Variants in SRGAP3 observed in about 807,000 individuals in gnomAD.
The protein encoded by SRGAP3 is SLIT-ROBO Rho GTPase activating protein 3.
Under a neutral mutation model 121.1 loss-of-function variants are expected in SRGAP3, and 39 were observed. The ratio of observed to expected loss-of-function variants is 0.32; its 90% CI spans 0.25 to 0.42. SRGAP3 has a LOEUF of 0.42. SRGAP3 is among the 10% of genes least tolerant of loss of function. SRGAP3 has a pLI of 1.00. For missense variants in SRGAP3, 1,213 were observed against 1,470.6 expected, an observed-to-expected ratio of 0.82 and a Z score of 2.86; for synonymous variants, 601 against 570.0, an observed-to-expected ratio of 1.05 and a Z score of -0.77.
intron 21 of SRGAP3, among the ~76,000 whole-genome samples, chr3:8,989,801 C>T (rs778600639): frequency 2.0e-5 from 3 of 152,180 alleles, no homozygotes; most frequent in Non-Finnish European, 1.5e-5. Flanking sequence ...CAAAAGCCAA[C>T]CCTCTAAGCA....
chr3:9,274,852 C>A (rs1404673843), intron 3 of SRGAP3, among the ~76,000 whole-genome samples: 3 of 152,202 alleles, frequency 2.0e-5, no homozygotes, highest in Non-Finnish European at 2.9e-5. Flanking sequence ...CAAGCCACTT[C>A]TCTCCAATGT....
Position 9,060,369 on chromosome 3 carries a change from GA to G in SRGAP3, c.673-11del, listed in dbSNP as rs1409074372. On this transcript the variant is annotated splice_polypyrimidine_tract_variant and intron_variant, in intron 5 of 21. Coordinates refer to ENST00000383836, the MANE Select transcript of SRGAP3 (RefSeq NM_014850.4). ...AGTACTTGGCCTGCCTCTGGAAGAA[GA>G]AAAGAGTAGATGTAAGAGCAAGCCA... The G allele has an allele frequency of 1.9e-6, 3 of 1,593,612 alleles. No homozygotes were observed. Among genetic ancestry groups the G allele is most frequent in the Non-Finnish European group, 2.6e-6 (3 of 1,166,722 alleles).
intron 1 of SRGAP3, among the ~76,000 whole-genome samples, chr3:9,153,149 T>C (rs1950271284): frequency 6.6e-6 from 1 of 152,224 alleles, no homozygotes. Context: ...CCAGTATGAG[T>C]GAGTCTTGAT....
intron 3 of SRGAP3, among the ~76,000 whole-genome samples, chr3:9,272,009 G>C (rs1954486464): frequency 6.6e-6 from 1 of 152,172 alleles, no homozygotes; most frequent in Non-Finnish European, 1.5e-5. Context: ...CATATGACCT[G>C]CCAAAACAGA....
At position 9,149,672 on chromosome 3, in the gene SRGAP3, A is replaced by G. The variant is rs372097934; in HGVS notation, c.68-24755T>C. Among the ~76,000 whole-genome samples, 20 of 152,212 alleles carry G rather than the reference A, an allele frequency of 1.3e-4. 1 individual carries two copies. The highest frequency in any genetic ancestry group is 1.2e-3 in the Admixed American group (18 of 15,276). On this transcript the variant is annotated intron_variant, in intron 1 of 21. Coordinates refer to ENST00000383836, the MANE Select transcript of SRGAP3 (RefSeq NM_014850.4). ...GTGAGGGAAAAAGCAGTGGCGCTGC[A>G]CTGCCCTAGTCACCTTAGCCAAACA...
chr3:9,062,374 A>G (rs1228932241), intron 5 of SRGAP3, among the ~76,000 whole-genome samples: 4 of 142,632 alleles, frequency 2.8e-5, no homozygotes, highest in Admixed American at 6.9e-5. Context: ...CCTTCTCCCT[A>G]TGTTGTAGTC....
intron 20 of SRGAP3, among the ~76,000 whole-genome samples, 176 bp from the exon 21 acceptor site, chr3:8,991,015 G>C (rs1485323319): frequency 6.6e-6 from 1 of 152,200 alleles, no homozygotes; most frequent in African/African-American, 2.4e-5. Flanking sequence ...TCAGCACACA[G>C]CTCAGCAGCA....
intron 12 of SRGAP3, among the ~76,000 whole-genome samples, chr3:9,031,652 T>G: frequency 6.6e-6 from 1 of 152,230 alleles, no homozygotes; most frequent in Non-Finnish European, 1.5e-5. Flanking sequence ...TCCAGTCTTT[T>G]GCTGTCCTGC....
intron 3 of SRGAP3, among the ~76,000 whole-genome samples, chr3:9,256,580 C>T (rs1273291508): frequency 2.0e-5 from 3 of 151,930 alleles, no homozygotes; most frequent in Admixed American, 6.6e-5. Flanking sequence ...ATATTTGCAG[C>T]ATGGCTTCCA....
intron 1 of SRGAP3, among the ~76,000 whole-genome samples, chr3:9,196,515 T>G (rs1951921787): frequency 6.6e-6 from 1 of 152,364 alleles, no homozygotes. Context: ...TTATTTTTGC[T>G]TTTTCTTTGT....
chr3:9,011,791 A>C (rs1245593329), intron 17 of SRGAP3, among the ~76,000 whole-genome samples: 1 of 143,430 alleles, frequency 7.0e-6, no homozygotes, highest in Non-Finnish European at 1.5e-5. Flanking sequence ...CTGTGCTGAG[A>C]CCCTCAGCCA....
chr3:9,008,353 G>A (rs1943188913), intron 18 of SRGAP3: 1 of 152,300 alleles, frequency 6.6e-6, no homozygotes, highest in Non-Finnish European at 1.5e-5. Flanking sequence ...AGGAGCTGTG[G>A]AAAAACCAGC....
intron 3 of SRGAP3, among the ~76,000 whole-genome samples, chr3:9,089,308 G>GGGGGGGGGC (rs1560120751): frequency 1.0e-4 from 4 of 40,198 alleles, no homozygotes; most frequent in Non-Finnish European, 1.2e-4. Context: ...GGGGGGGGGG[G>GGGGGGGGGC]CTGGAGGCTC....
At chr3:9,119,112 A>C (rs1283209855) in intron 2 of SRGAP3, among the ~76,000 whole-genome samples, 2 of 152,234 alleles carry the variant, frequency 1.3e-5, no homozygotes, top group Non-Finnish European at 2.9e-5. Flanking sequence ...AAAGGAGGAC[A>C]GACAAGTAAA....
intron 1 of SRGAP3, among the ~76,000 whole-genome samples, chr3:9,174,021 T>A (rs1951083412): frequency 6.6e-6 from 1 of 150,536 alleles, no homozygotes; most frequent in African/African-American, 2.4e-5. Context: ...AGATGCGGTC[T>A]AGGCACACAG....
chr3:9,164,944 C>G (rs527845101), intron 1 of SRGAP3, among the ~76,000 whole-genome samples: 2 of 152,350 alleles, frequency 1.3e-5, no homozygotes, highest in Non-Finnish European at 2.9e-5. Flanking sequence ...CAGTGCCAGC[C>G]CAGTCTGTTT....
intron 1 of SRGAP3, chr3:9,236,068 C>G (rs1226883012): frequency 6.2e-6 from 1 of 161,678 alleles, no homozygotes; most frequent in Non-Finnish European, 1.4e-5. Context: ...TCATCTCCCA[C>G]CACCATTTTG....
intron 1 of SRGAP3, among the ~76,000 whole-genome samples, chr3:9,131,433 C>CTTTTTTTTTTTTTTTTTTTTTTTTTTTTT (rs869155697): frequency 1.1e-5 from 1 of 90,216 alleles, no homozygotes; most frequent in Non-Finnish European, 2.0e-5. Context: ...AGATCTAATT[C>CTTTTTTTTTTTTTTTTTTTTTTTTTTTTT]TTTTTTTTTT....
intron 1 of SRGAP3, among the ~76,000 whole-genome samples, chr3:9,166,358 T>C (rs944897226): frequency 6.6e-5 from 10 of 152,310 alleles, no homozygotes; most frequent in East Asian, 1.9e-4. Context: ...GCCACACTGC[T>C]AGATGGTCCC....
Sources: allele counts gnomAD v4.1 joint callset (sites outside exome capture counted in the v4.1 genomes callset), GRCh38; gene constraint gnomAD v4.1.1; transcripts MANE v1.5; gene names NCBI Gene and HGNC (gene_info 2026-07-23, HGNC 2026-07-21).